Variants in EVL observed in about 807,000 individuals in gnomAD.
The protein encoded by EVL is Enah/Vasp-like.
EVL carries 21 observed loss-of-function variants against 59.6 expected under a neutral mutation model. That is an observed-to-expected ratio of 0.35 (90% CI 0.25 to 0.51). The LOEUF (loss-of-function observed/expected upper bound fraction) is 0.51, where lower values mean the gene tolerates loss of function less well. EVL is among the 20% of genes least tolerant of loss of function. The pLI is 0.97. For synonymous variants in EVL, 198 were observed against 203.5 expected (o/e 0.97, Z 0.23); for missense variants, 462 against 546.6 (o/e 0.85, Z 1.54).
chr14:100,090,353 A>G (rs2062539014), intron 2 of EVL, among the ~76,000 whole-genome samples: 1 of 152,210 alleles, frequency 6.6e-6, no homozygotes, highest in Admixed American at 6.5e-5. Context: ...TAAGATGGAC[A>G]TATTCCTTGA....
intron 1 of EVL, among the ~76,000 whole-genome samples, chr14:100,067,609 A>G (rs2140273410): frequency 6.6e-6 from 1 of 152,282 alleles, no homozygotes; most frequent in African/African-American, 2.4e-5. Context: ...ACACCCAGCT[A>G]GCATTGTTTT....
At chr14:100,034,287 G>A (rs2061356881) in intron 1 of EVL, among the ~76,000 whole-genome samples, 1 of 150,540 alleles carries the variant, frequency 6.6e-6, no homozygotes, top group South Asian at 2.1e-4. Flanking sequence ...CCCCTGCCCC[G>A]AAAAAGACAG....
At position 100,065,504 on chromosome 14, in the gene EVL, G is replaced by C; in HGVS notation, c.4G>C (p.Ala2Pro). Reference protein sequence around the residue: MATSEQSICQAR... With the variant: MPTSEQSICQAR... ...CCTGTGCTGCCACTTTTCAGCCATG[G>C]CCACAAGGTGAGTATTGGAACCAGT... The change falls in exon 1 of 14, where the codon GCC (alanine) becomes CCC (proline). Residue 2 changes from alanine to proline, a missense_variant. Coordinates refer to ENST00000392920, the MANE Select transcript of EVL (RefSeq NM_016337.3). 6.6e-7 allele frequency: 1 copy of C among 1,523,470 alleles called. No individual in the cohort carries two copies. The highest frequency in any genetic ancestry group is 8.9e-7 in the Non-Finnish European group (1 of 1,125,070). The allele number at this position is 1,523,470 out of a possible 1,614,324, so 94.4% of individuals were successfully genotyped here. A position where few individuals can be genotyped will look rare whatever the true frequency, so the allele number is the denominator to read the frequency against.
At chr14:100,135,523 G>A (rs1259995860) in intron 8 of EVL, 1 of 215,618 alleles carries the variant, frequency 4.6e-6, no homozygotes, top group Non-Finnish European at 9.4e-6. Flanking sequence ...ACACGGGCAG[G>A]TGTGTGTGCT....
At chr14:100,137,130 A>T (rs1355564260) in intron 9 of EVL, 1 of 191,180 alleles carries the variant, frequency 5.2e-6, no homozygotes, top group Non-Finnish European at 1.1e-5. Flanking sequence ...AATACCACTT[A>T]AAAAAGACAA....
chr14:100,028,138 T>TTTG lies in EVL; in HGVS notation c.5+56083_5+56084insGTT, dbSNP rs60412013. On this transcript the variant is annotated intron_variant, in intron 1 of 13. Coordinates refer to the EVL transcript ENST00000402714. ...TAGTTGTTTTTTTGTTTGTTTGTTT[T>TTTG]TTTTTTTTTTTTTGAGGAACCTCCA... 8.7e-3 allele frequency among the ~76,000 whole-genome samples: 779 copies of TTTG among 89,622 alleles called. 9 individuals are homozygous for TTTG. The highest frequency in any genetic ancestry group is 0.046 in the African/African-American group (677 of 14,592). 58.8% of individuals were successfully genotyped at this position (89,622 alleles called of 152,430 possible). A position where few individuals can be genotyped will look rare whatever the true frequency, so the allele number is the denominator to read the frequency against.
chr14:100,112,247 G>C (rs1887044436), intron 3 of EVL, among the ~76,000 whole-genome samples: 1 of 152,164 alleles, frequency 6.6e-6, no homozygotes, highest in Non-Finnish European at 1.5e-5. Flanking sequence ...GAGTGGACAG[G>C]CTGCGAGTGT....
intron 7 of EVL, among the ~76,000 whole-genome samples, chr14:100,132,303 CAAGA>C (rs1888486295): frequency 6.6e-6 from 1 of 151,110 alleles, no homozygotes; most frequent in South Asian, 2.1e-4. Context: ...TAGAGTGACA[CAAGA>C]AAGTGTCCAG....
intron 2 of EVL, among the ~76,000 whole-genome samples, chr14:100,086,459 G>A (rs988275730): frequency 2.0e-5 from 3 of 152,214 alleles, no homozygotes; most frequent in Admixed American, 6.5e-5. Flanking sequence ...CATAGTAGGT[G>A]TTCCATAAGT....
At chr14:100,043,173 C>T (rs1286783271) in intron 1 of EVL, among the ~76,000 whole-genome samples, 1 of 151,750 alleles carries the variant, frequency 6.6e-6, no homozygotes, top group Non-Finnish European at 1.5e-5. Context: ...GTTAGGAACC[C>T]CTCTGTATTA....
intron 1 of EVL, among the ~76,000 whole-genome samples, chr14:100,043,966 T>C (rs981342412): frequency 6.6e-6 from 1 of 152,076 alleles, no homozygotes; most frequent in African/African-American, 2.4e-5. Flanking sequence ...GAGTCGTGAT[T>C]ATGGAGGTTG....
intron 1 of EVL, among the ~76,000 whole-genome samples, chr14:100,007,634 G>A (rs2060991041): frequency 6.6e-6 from 1 of 152,272 alleles, no homozygotes; most frequent in Non-Finnish European, 1.5e-5. Flanking sequence ...TCTGATCTCA[G>A]AAGTAGCCAA....
chr14:99,973,800 T>G (rs180814576), intron 1 of EVL, among the ~76,000 whole-genome samples: 1 of 152,344 alleles, frequency 6.6e-6, no homozygotes, highest in East Asian at 1.9e-4. Context: ...GTGTTTTCCC[T>G]TTTACATTAA....
At chr14:100,043,320 T>C (rs1255200731) in intron 1 of EVL, among the ~76,000 whole-genome samples, 1 of 152,034 alleles carries the variant, frequency 6.6e-6, no homozygotes, top group African/African-American at 2.4e-5. Context: ...TATATGTATA[T>C]GTATAGATAT....
At chr14:100,116,986 C>T (rs1249094946) in intron 3 of EVL, among the ~76,000 whole-genome samples, 2 of 152,194 alleles carry the variant, frequency 1.3e-5, no homozygotes, top group Non-Finnish European at 2.9e-5. Context: ...AATCCAGAAC[C>T]GTCCAGGAGA....
chr14:100,107,061 A>G, intron 3 of EVL: 1 of 398,722 alleles, frequency 2.5e-6, no homozygotes, highest in Non-Finnish European at 4.4e-6. Flanking sequence ...GTGGAATGAC[A>G]CCACAGGCCC....
At chr14:100,133,683 G>A (rs1385590477) in intron 8 of EVL, among the ~76,000 whole-genome samples, 3 of 152,052 alleles carry the variant, frequency 2.0e-5, no homozygotes, top group Non-Finnish European at 4.4e-5. Context: ...CACACTTGTA[G>A]TCCCAGCACT....
chr14:100,031,801 G>A (rs2061318967), intron 1 of EVL, among the ~76,000 whole-genome samples: 1 of 152,224 alleles, frequency 6.6e-6, no homozygotes. Flanking sequence ...CTAGAAGAGA[G>A]AAAAGACGAT....
chr14:99,986,382 G>A (rs868023569), intron 1 of EVL, among the ~76,000 whole-genome samples: 23 of 151,610 alleles, frequency 1.5e-4, no homozygotes, highest in African/African-American at 4.1e-4. Context: ...TCAGGGTCCC[G>A]TTTATGAGCA....
Sources: allele counts gnomAD v4.1 joint callset (sites outside exome capture counted in the v4.1 genomes callset), GRCh38; gene constraint gnomAD v4.1.1; transcripts MANE v1.5; gene names NCBI Gene and HGNC (gene_info 2026-07-23, HGNC 2026-07-21).